CPNE4: variants seen among roughly 807,000 people sequenced by gnomAD.
The protein encoded by CPNE4 is copine 4, also known as copine-4.
CPNE4 carries 25 observed loss-of-function variants against 67.9 expected under a neutral mutation model. The ratio of observed to expected loss-of-function variants is 0.37; its 90% CI spans 0.27 to 0.51. The LOEUF is 0.51. Ranked by LOEUF, CPNE4 falls within the 20% of genes least tolerant of loss-of-function variation. The pLI is 0.93. For synonymous variants in CPNE4, 242 were observed against 244.9 expected, an observed-to-expected ratio of 0.99 and a Z score of 0.11; for missense variants, 464 against 690.8, an observed-to-expected ratio of 0.67 and a Z score of 3.68.
Position 131,855,986 on chromosome 3 carries a change from C to G in CPNE4, c.180+49278G>C, listed in dbSNP as rs550632552. 2.0e-5 allele frequency among the ~76,000 whole-genome samples: 3 copies of G among 151,984 alleles called. No homozygotes were observed. In the South Asian group the frequency reaches 6.2e-4, roughly 32 times the overall value. On this transcript the variant is annotated intron_variant, in intron 2 of 15. Coordinates refer to ENST00000429747, the MANE Select transcript of CPNE4 (RefSeq NM_130808.3). ...CCTCTGACTGAATAACCACTGAAAT[C>G]AGAAATATATTTGAGATTTAAGCCA...
In CPNE4 at chr3:131,699,909, C is replaced by A. The variant is rs555262374; in HGVS notation, c.432G>T (p.Thr144=). The A allele has an allele frequency of 6.2e-7, 1 of 1,612,744 alleles. No individual in the cohort carries two copies. Among genetic ancestry groups the A allele is most frequent in the East Asian group, 2.2e-5 (1 of 44,856 alleles). ...HGNTAGKSSI[T]VIAEELSGND... The stretch of plus-strand genomic sequence containing the variant: ...AGCTGCTTAGGGAGTGCCTGCTTAC[C>A]GTGATGGAAGATTTCCCTGCTGTGT... Residue 144 remains threonine, a splice_region_variant and synonymous_variant, in exon 4 of 16, where the codon ACG becomes ACT. Transcript: ENST00000429747.
At chr3:131,723,991 G>C (rs1343443162) in intron 2 of CPNE4, among the ~76,000 whole-genome samples, 1 of 152,114 alleles carries the variant, frequency 6.6e-6, no homozygotes, top group Non-Finnish European at 1.5e-5. Flanking sequence ...AGTACACTGG[G>C]TTTATGCAGG....
At chr3:131,569,827 A>G (rs1428748585) in intron 10 of CPNE4, among the ~76,000 whole-genome samples, 2 of 151,962 alleles carry the variant, frequency 1.3e-5, no homozygotes, top group African/African-American at 4.8e-5. Flanking sequence ...TATAAACTAT[A>G]GTCAGAGGTA....
At chr3:131,611,823 C>T (rs1939859272) in intron 7 of CPNE4, among the ~76,000 whole-genome samples, 2 of 152,050 alleles carry the variant, frequency 1.3e-5, no homozygotes, top group Non-Finnish European at 2.9e-5. Flanking sequence ...CCTCCTCTCT[C>T]AGCTTGCCAG....
At chr3:131,780,302 T>C (rs1684274994) in intron 2 of CPNE4, among the ~76,000 whole-genome samples, 1 of 152,096 alleles carries the variant, frequency 6.6e-6, no homozygotes, top group African/African-American at 2.4e-5. Flanking sequence ...ATAGAACGAC[T>C]TTTCAACCTA....
intron 2 of CPNE4, among the ~76,000 whole-genome samples, chr3:131,803,095 G>C (rs2084189549): frequency 6.6e-6 from 1 of 152,154 alleles, no homozygotes; most frequent in African/African-American, 2.4e-5. Context: ...TAAATAAAAA[G>C]ACGAAGAAGA....
chr3:131,680,996 T>C (rs1439329111), intron 6 of CPNE4, among the ~76,000 whole-genome samples: 2 of 152,238 alleles, frequency 1.3e-5, no homozygotes, highest in Non-Finnish European at 2.9e-5. Context: ...ATGCCATTAA[T>C]TCATTCCTTT....
chr3:131,554,097 A>T (rs776481164), intron 12 of CPNE4, among the ~76,000 whole-genome samples: 1 of 152,090 alleles, frequency 6.6e-6, no homozygotes, highest in Non-Finnish European at 1.5e-5. Flanking sequence ...TGTTGGGCCA[A>T]CCTGAGGCTG....
chr3:132,014,007 A>C (rs888457784), intron 1 of CPNE4, among the ~76,000 whole-genome samples: 3 of 152,170 alleles, frequency 2.0e-5, no homozygotes, highest in African/African-American at 7.2e-5. Flanking sequence ...AAACAAACAA[A>C]GTCTGAGTTG....
intron 2 of CPNE4, among the ~76,000 whole-genome samples, chr3:131,836,898 A>T (rs920892397): frequency 3.9e-5 from 6 of 152,214 alleles, no homozygotes; most frequent in Admixed American, 3.9e-4. Flanking sequence ...AAGCCATCCA[A>T]TTTAAAAAGC....
intron 1 of CPNE4, among the ~76,000 whole-genome samples, chr3:131,957,046 T>C (rs1422566634): frequency 6.6e-6 from 1 of 152,248 alleles, no homozygotes; most frequent in Admixed American, 6.5e-5. Flanking sequence ...TTAGATCATC[T>C]TGCATGTGAG....
chr3:131,933,499 C>A (rs756532180), intron 1 of CPNE4, among the ~76,000 whole-genome samples: 1 of 151,924 alleles, frequency 6.6e-6, no homozygotes, highest in Non-Finnish European at 1.5e-5. Flanking sequence ...ATAAAATTAC[C>A]ACATAATCCA....
At chr3:131,706,485 C>A (rs957533937) in intron 3 of CPNE4, among the ~76,000 whole-genome samples, 2 of 152,072 alleles carry the variant, frequency 1.3e-5, no homozygotes, top group Non-Finnish European at 2.9e-5. Context: ...AATCGTAAAC[C>A]GAAATTAAAA....
At chr3:131,890,367 A>G (rs892012782) in intron 2 of CPNE4, among the ~76,000 whole-genome samples, 1 of 151,962 alleles carries the variant, frequency 6.6e-6, no homozygotes, top group Admixed American at 6.6e-5. Flanking sequence ...CAAGGAAATA[A>G]AAATTAAAAT....
chr3:131,656,757 G>T (rs2079980407), intron 7 of CPNE4, among the ~76,000 whole-genome samples: 1 of 152,202 alleles, frequency 6.6e-6, no homozygotes, highest in Non-Finnish European at 1.5e-5. Context: ...ATGGTGGTAA[G>T]TGCCATGAAG....
At chr3:131,875,502 T>TA (rs2087404829) in intron 2 of CPNE4, among the ~76,000 whole-genome samples, 1 of 152,128 alleles carries the variant, frequency 6.6e-6, no homozygotes, top group South Asian at 2.1e-4. Context: ...TATGCAGCCA[T>TA]AAAAAATGAT....
At chr3:131,999,241 T>TAAAAAAAAAAAAAAAAAAAA (rs79127364) in intron 1 of CPNE4, among the ~76,000 whole-genome samples, 14 of 98,812 alleles carry the variant, frequency 1.4e-4, no homozygotes, top group African/African-American at 3.2e-4. Context: ...TTATCCAAGG[T>TAAAAAAAAAAAAAAAAAAAA]AAAAAAAAAA....
At chr3:132,010,361 G>T (rs13326423) in intron 1 of CPNE4, among the ~76,000 whole-genome samples, 26 of 152,108 alleles carry the variant, frequency 1.7e-4, no homozygotes, top group Non-Finnish European at 2.8e-4. Flanking sequence ...AACAAAATAT[G>T]GTTTTTAAGA....
intron 1 of CPNE4, among the ~76,000 whole-genome samples, chr3:131,962,658 A>G (rs778109249): frequency 6.6e-5 from 10 of 152,196 alleles, no homozygotes; most frequent in Non-Finnish European, 1.0e-4. Context: ...TTGAATATTT[A>G]TCTAAACCAT....
Sources: allele counts gnomAD v4.1 joint callset (sites outside exome capture counted in the v4.1 genomes callset), GRCh38; gene constraint gnomAD v4.1.1; transcripts MANE v1.5; gene names NCBI Gene and HGNC (gene_info 2026-07-23, HGNC 2026-07-21).